Variants in PSMD5 observed in about 807,000 individuals in gnomAD.
PSMD5 encodes 26S proteasome non-ATPase regulatory subunit 5.
Under a neutral mutation model 52.1 loss-of-function variants are expected in PSMD5, and 40 were observed. The observed-to-expected ratio is 0.77, with a 90% CI of 0.60 to 1.00. The LOEUF (loss-of-function observed/expected upper bound fraction) is 1.00, where lower values mean the gene tolerates loss of function less well. Among genes scored for constraint, PSMD5 ranks in the 50% least tolerant of loss-of-function variants. The pLI is 0.00. For synonymous variants in PSMD5, 211 were observed against 226.6 expected (o/e 0.93, Z 0.62); for missense variants, 575 against 605.2 (o/e 0.95, Z 0.52).
At chr9:120,836,934 G>A (rs754483103) in intron 1 of PSMD5, among the ~76,000 whole-genome samples, 4 of 147,570 alleles carry the variant, frequency 2.7e-5, no homozygotes, top group Non-Finnish European at 5.9e-5. Flanking sequence ...CTGTTGCCCA[G>A]GCTAGAGTGC....
At chr9:120,829,260 C>A (rs540368827) in intron 4 of PSMD5, 52 bp from the exon 5 acceptor site, 4 of 1,464,772 alleles carry the variant, frequency 2.7e-6, no homozygotes, top group East Asian at 2.4e-5. Flanking sequence ...ATCAGCCCTA[C>A]GCCTGATAGA....
rs2045249810 is a variant in PSMD5 at position 120,842,762 on chromosome 9, A to G, written c.148T>C (p.Phe50Leu). ...CTATGGTTCTCGTTAAGCAGGGAGA[A>G]GAGCGGGCCGAGGCGCAGCTCCGCC... The part of the protein sequence containing the change: ...QAAELRLGPL[F>L]SLLNENHREK... Residue 50 changes from phenylalanine (F) to leucine (L), a missense_variant, in exon 1 of 10, where the codon TTC becomes CTC. By Grantham distance (22) the Phe-to-Leu change is conservative. Coordinates refer to ENST00000210313, the MANE Select transcript of PSMD5 (RefSeq NM_005047.4). The G allele has an allele frequency of 6.2e-7, 1 of 1,613,296 alleles. No homozygotes were observed. The highest frequency in any genetic ancestry group is 1.7e-5 in the Admixed American group (1 of 60,028).
chr9:120,841,031 C>T (rs902218964), intron 1 of PSMD5, among the ~76,000 whole-genome samples: 20 of 152,126 alleles, frequency 1.3e-4, no homozygotes, highest in African/African-American at 4.8e-4. Context: ...GGAATACAGG[C>T]GTGAGCCACT....
intron 1 of PSMD5, among the ~76,000 whole-genome samples, chr9:120,834,600 G>A (rs1382796460): frequency 6.6e-6 from 1 of 152,116 alleles, no homozygotes; most frequent in Non-Finnish European, 1.5e-5. Context: ...GGAGAGAGGT[G>A]GTGAGAAGGT....
In PSMD5 at chr9:120,842,851, T is replaced by C. The variant is rs1290151956; in HGVS notation, c.59A>G (p.Glu20Gly). The change falls in exon 1 of 10, where the codon GAG (glutamate) becomes GGG (glycine). Residue 20 changes from glutamate (E) to glycine (G), a missense_variant. Coordinates refer to ENST00000210313, the MANE Select transcript of PSMD5 (RefSeq NM_005047.4). ...CACGGAGTGAAGCGCGCGTAGCTCC[T>C]CCAGCGGCGCTTCCAGCCTCGCTAC... ...REVARLEAPL[E>G]ELRALHSVLQ... 6.2e-7 allele frequency: 1 copy of C among 1,607,050 alleles called. No homozygotes were observed. The highest frequency in any genetic ancestry group is 1.7e-5 in the Admixed American group (1 of 59,672).
At chr9:120,823,022 G>A (rs2045096890) in intron 7 of PSMD5, among the ~76,000 whole-genome samples, 1 of 150,882 alleles carries the variant, frequency 6.6e-6, no homozygotes, top group African/African-American at 2.4e-5. Context: ...TGTTGACGAA[G>A]CTGGTCTTGA....
At chr9:120,840,012 C>T (rs2045223463) in intron 1 of PSMD5, among the ~76,000 whole-genome samples, 1 of 150,668 alleles carries the variant, frequency 6.6e-6, no homozygotes, top group Non-Finnish European at 1.5e-5. Flanking sequence ...CCTATAGTCC[C>T]AGCTACTCAG....
Position 120,824,466 on chromosome 9 carries a change from T to C in PSMD5, c.1006+28A>G, listed in dbSNP as rs2045108198. The C allele has an allele frequency of 3.1e-6, 5 of 1,606,508 alleles. No homozygotes were observed. The East Asian group carries it at 6.7e-5, about 22-fold the overall frequency. ...TGAACCCCTGTCAAAGATTAAGATA[T>C]CCCTGAACAGGGCCAAGTCATACCA... is the stretch of plus-strand genomic sequence containing the variant. On this transcript the variant is annotated intron_variant, in intron 7 of 9. Transcript: ENST00000210313.
chr9:120,835,444 G>T (rs765373884), intron 1 of PSMD5, among the ~76,000 whole-genome samples: 1 of 152,156 alleles, frequency 6.6e-6, no homozygotes, highest in Non-Finnish European at 1.5e-5. Flanking sequence ...AGTAGATTCC[G>T]CTAGGCTCGG....
intron 5 of PSMD5, among the ~76,000 whole-genome samples, chr9:120,828,546 G>C (rs2045138957): frequency 6.8e-6 from 1 of 148,136 alleles, no homozygotes; most frequent in African/African-American, 2.5e-5. Flanking sequence ...TCCTTCCTCA[G>C]CCTCCTGAGT....
intron 7 of PSMD5, among the ~76,000 whole-genome samples, chr9:120,822,888 G>A (rs2045095587): frequency 1.3e-5 from 2 of 151,788 alleles, no homozygotes; most frequent in African/African-American, 4.8e-5. Flanking sequence ...CAGTGCAACT[G>A]AGTGATCAAG....
At position 120,825,509 on chromosome 9, in the gene PSMD5, G is replaced by A. The variant is rs148075957; in HGVS notation, c.815-824C>T. 7.2e-5 allele frequency among the ~76,000 whole-genome samples: 11 copies of A among 152,066 alleles called. No homozygotes were observed. The East Asian group carries it at 2.1e-3, about 29-fold the overall frequency. The stretch of plus-strand genomic sequence containing the variant: ...TGCACTGAATCTATATAGTGCTTTG[G>A]GCAGCATGAACATTTTAATAATATT... On this transcript the variant is annotated intron_variant, in intron 6 of 9. Coordinates refer to ENST00000210313, the MANE Select transcript of PSMD5 (RefSeq NM_005047.4).
At chr9:120,818,222 A>G (rs2045059093) in intron 9 of PSMD5, 59 bp from the exon 10 acceptor site, 13 of 1,487,298 alleles carry the variant, frequency 8.7e-6, no homozygotes, top group Non-Finnish European at 1.1e-5. Flanking sequence ...TGTTAATGGG[A>G]TGGCACAATA....
chr9:120,829,233 A>G lies in PSMD5; in HGVS notation c.562-25T>C, dbSNP rs573042134. The G allele has an allele frequency of 3.7e-4, 573 of 1,561,338 alleles. 4 individuals carry two copies. In the South Asian group the frequency reaches 6.4e-3, roughly 17 times the overall value. On this transcript the variant is annotated intron_variant, in intron 4 of 9. Transcript: ENST00000210313. ...GCTGAAATAAAAAAAAAAACACAGAAAAAAGAAAAAGGTCAAATCAGCCCT... is the reference window on the plus strand; with the variant it reads ...GCTGAAATAAAAAAAAAAACACAGAGAAAAGAAAAAGGTCAAATCAGCCCT...
At chr9:120,821,677 C>A (rs573079045) in intron 7 of PSMD5, among the ~76,000 whole-genome samples, 1 of 152,246 alleles carries the variant, frequency 6.6e-6, no homozygotes, top group South Asian at 2.1e-4. Flanking sequence ...TCTTCTCTAC[C>A]CTCATCCCCT....
chr9:120,824,109 TAA>T (rs34305055), intron 7 of PSMD5: 2,484 of 111,502 alleles, frequency 0.022, 2 homozygotes, highest in South Asian at 0.058. Context: ...CTCAATCTCT[TAA>T]AAAAAAAAAA....
At chr9:120,835,103 C>A (rs772198366) in intron 1 of PSMD5, among the ~76,000 whole-genome samples, 35 of 152,188 alleles carry the variant, frequency 2.3e-4, no homozygotes, top group Non-Finnish European at 4.3e-4. Flanking sequence ...TCAGGAATTT[C>A]ACTTTGCATA....
In PSMD5 at chr9:120,816,236, T is replaced by A. The variant is rs2045041008; in HGVS notation, c.*1670A>T. On this transcript the variant is annotated 3_prime_UTR_variant, in exon 10 of 10. Coordinates refer to ENST00000210313, the MANE Select transcript of PSMD5 (RefSeq NM_005047.4). ...CTGGGGAAAAGAGGGAATAGACAGT[T>A]ATTGTTTAATGAATACAGTTTCAAT... 6.6e-6 allele frequency: 1 copy of A among 152,468 alleles called. No homozygotes were observed. The highest frequency in any genetic ancestry group is 1.5e-5 in the Non-Finnish European group (1 of 68,216). 9.4% of individuals were successfully genotyped at this position (152,468 alleles called of 1,614,324 possible).
chr9:120,831,098 G>A (rs567660782), intron 4 of PSMD5, among the ~76,000 whole-genome samples: 3 of 152,180 alleles, frequency 2.0e-5, no homozygotes, highest in Admixed American at 1.3e-4. Context: ...TGCCCAGGCT[G>A]GTCTGAAACT....
Sources: gnomAD v4.1 joint callset for allele counts (sites outside exome capture counted in the v4.1 genomes callset) on GRCh38, gnomAD v4.1.1 for gene constraint, MANE v1.5 for transcripts, NCBI Gene and HGNC (gene_info 2026-07-23, HGNC 2026-07-21) for gene names.